The following RCBTB1 variants were observed in gnomAD, a reference collection of about 807,000 sequenced individuals.
The protein encoded by RCBTB1 is RCC1 and BTB domain containing protein 1.
Under a neutral mutation model 62.4 loss-of-function variants are expected in RCBTB1, and 46 were observed. That is an observed-to-expected ratio of 0.74 (90% CI 0.58 to 0.94). The LOEUF (loss-of-function observed/expected upper bound fraction) is 0.94. Ranked by LOEUF, RCBTB1 falls within the 40% of genes least tolerant of loss-of-function variation. RCBTB1 has a pLI of 0.00. For missense variants in RCBTB1, 565 were observed against 654.9 expected, an observed-to-expected ratio of 0.86 and a Z score of 1.50; for synonymous variants, 222 against 245.8, an observed-to-expected ratio of 0.90 and a Z score of 0.91.
chr13:49,564,870 G>A (rs1296508545), intron 4 of RCBTB1, among the ~76,000 whole-genome samples: 2 of 150,438 alleles, frequency 1.3e-5, no homozygotes, highest in African/African-American at 2.5e-5. Context: ...CAGCCTGGGC[G>A]ACAGAGAGAG....
At chr13:49,584,993 T>C (rs1964312459) in intron 1 of RCBTB1, among the ~76,000 whole-genome samples, 1 of 152,100 alleles carries the variant, frequency 6.6e-6, no homozygotes, top group Non-Finnish European at 1.5e-5. Context: ...AGGGAAACGA[T>C]AAAGAATACG....
At position 49,566,677 on chromosome 13, in the gene RCBTB1, C is replaced by A. The variant is rs1963038677; in HGVS notation, c.218G>T (p.Gly73Val). ...GTAACTGAGGCTTTTAATCTTCTTT[C>A]CACATAAGCCTTCTAGCTTTTTGGG... ...LVPKKLEGLC[G>V]KKIKSLSYGS... The change falls in exon 4 of 13, where the codon GGA becomes GTA. Residue 73 changes from glycine (G) to valine (V), a missense_variant. Coordinates refer to ENST00000378302, the MANE Select transcript of RCBTB1 (RefSeq NM_018191.4). The A allele has an allele frequency of 1.2e-6, 2 of 1,614,038 alleles. No homozygotes were observed. The highest frequency in any genetic ancestry group is 1.7e-6 in the Non-Finnish European group (2 of 1,180,010).
At chr13:49,566,052 C>CTAGTAGAGACAGAGT (rs1962970557) in intron 4 of RCBTB1, among the ~76,000 whole-genome samples, 1 of 138,202 alleles carries the variant, frequency 7.2e-6, no homozygotes, top group Non-Finnish European at 1.5e-5. Flanking sequence ...TAAACAGATG[C>CTAGTAGAGACAGAGT]TTGAAGGCAG....
At chr13:49,560,393 T>C (rs1036756637) in intron 4 of RCBTB1, among the ~76,000 whole-genome samples, 1 of 152,208 alleles carries the variant, frequency 6.6e-6, no homozygotes, top group African/African-American at 2.4e-5. Context: ...CAATAGTTTC[T>C]GTGTCAGATG....
chr13:49,546,245 T>A, intron 9 of RCBTB1: 2 of 985,400 alleles, frequency 2.0e-6, no homozygotes, highest in Non-Finnish European at 2.4e-6. Flanking sequence ...GTATAGTACA[T>A]CCTTTCAGAG....
rs1039375923 is a variant in RCBTB1 at position 49,549,511 on chromosome 13, T to G, written c.992A>C (p.Asp331Ala). 1 of 1,613,054 alleles carries G rather than the reference T, an allele frequency of 6.2e-7. No homozygotes were observed. The highest frequency in any genetic ancestry group is 1.7e-5 in the Admixed American group (1 of 59,912). The stretch of plus-strand genomic sequence containing the variant: ...GGGAGTGGCAAAGCAGGCAAACACG[T>G]CGTCGGTGCAGGAGAAGTGGGTGAG... The part of the protein sequence containing the change: ...PHLTHFSCTD[D>A]VFACFATPAV... Residue 331 changes from aspartate to alanine, a missense_variant, in exon 9 of 13, where the codon GAC (aspartate) becomes GCC (alanine). Asp to Ala is a moderately radical substitution (Grantham distance 126). Coordinates refer to ENST00000378302, the MANE Select transcript of RCBTB1 (RefSeq NM_018191.4).
intron 2 of RCBTB1, among the ~76,000 whole-genome samples, chr13:49,568,322 T>C (rs1594330916): frequency 6.6e-6 from 1 of 152,240 alleles, no homozygotes; most frequent in East Asian, 1.9e-4. Flanking sequence ...AATTCCAGTC[T>C]TTTGCTAGAA....
At chr13:49,542,327 T>C (rs1469450061) in intron 10 of RCBTB1, among the ~76,000 whole-genome samples, 1 of 152,180 alleles carries the variant, frequency 6.6e-6, no homozygotes. Context: ...TTTTTGTACA[T>C]GCCTTTTACA....
rs1201395909 is a variant in RCBTB1, at chr13:49,532,388, CAAGT to C, written c.*1730_*1733del. ...TGTGCTTTTTTTGAAAAAAAGTTTTCAAGTAAGAGCAATAGTAAACATACTGAAG... is the reference window on the plus strand; with the variant it reads ...TGTGCTTTTTTTGAAAAAAAGTTTTCAAGAGCAATAGTAAACATACTGAAG... On this transcript the variant is annotated 3_prime_UTR_variant, in exon 13 of 13. Coordinates refer to ENST00000378302, the MANE Select transcript of RCBTB1 (RefSeq NM_018191.4). The C allele has an allele frequency of 2.1e-5, 3 of 143,756 alleles. No homozygotes were observed. Among genetic ancestry groups the C allele is most frequent in the Non-Finnish European group, 4.6e-5 (3 of 64,676 alleles). The allele number at this position is 143,756 out of a possible 1,614,324, so 8.9% of individuals were successfully genotyped here.
In RCBTB1 at chr13:49,576,440, T is replaced by C. The variant is rs953962348; in HGVS notation, c.-42+4065A>G. On this transcript the variant is annotated intron_variant, in intron 2 of 12. Coordinates refer to ENST00000378302, the MANE Select transcript of RCBTB1 (RefSeq NM_018191.4). ...ATTTCTAAAATTAAATATAGAAAGG[T>C]TTCAGTCCTAAAAAATGTGTTTGGA... is the stretch of plus-strand genomic sequence containing the variant. 2.0e-5 allele frequency among the ~76,000 whole-genome samples: 3 copies of C among 152,076 alleles called. No homozygotes were observed. In the East Asian group the frequency reaches 5.8e-4, roughly 29 times the overall value.
At chr13:49,549,699 C>A in intron 8 of RCBTB1, 51 bp from the exon 9 acceptor site, 1 of 1,551,302 alleles carries the variant, frequency 6.4e-7, no homozygotes, top group Non-Finnish European at 8.7e-7. Flanking sequence ...CAGAAGCCCA[C>A]AGCACACCAC....
At chr13:49,535,979 T>C (rs4085853) in intron 12 of RCBTB1, among the ~76,000 whole-genome samples, 88,038 of 149,954 alleles carry the variant, frequency 0.59, 26,991 homozygotes, top group Non-Finnish European at 0.69. Flanking sequence ...GCCGAGATCA[T>C]GCCACTGCAC....
chr13:49,564,052 A>C (rs907744638), intron 4 of RCBTB1, among the ~76,000 whole-genome samples: 1 of 152,226 alleles, frequency 6.6e-6, no homozygotes, highest in Non-Finnish European at 1.5e-5. Context: ...TAAATAGATA[A>C]TGAATTTTCA....
chr13:49,584,700 T>C (rs1419292966), intron 1 of RCBTB1, among the ~76,000 whole-genome samples: 2 of 152,196 alleles, frequency 1.3e-5, no homozygotes, highest in African/African-American at 4.8e-5. Flanking sequence ...AGATCATGAA[T>C]CTGGTTTTCT....
chr13:49,568,979 T>C (rs1188404348), intron 2 of RCBTB1, among the ~76,000 whole-genome samples: 1 of 152,214 alleles, frequency 6.6e-6, no homozygotes, highest in African/African-American at 2.4e-5. Flanking sequence ...ACTAACTTAC[T>C]GGGCACTATG....
At position 49,570,970 on chromosome 13, in the gene RCBTB1, G is replaced by C. The variant is rs74077934; in HGVS notation, c.-41-3650C>G. 2.8e-3 allele frequency among the ~76,000 whole-genome samples: 427 copies of C among 152,272 alleles called. 1 individual carries two copies. The highest frequency in any genetic ancestry group is 9.9e-3 in the African/African-American group (410 of 41,566). ...GCTGAACTTCCTCAACAACTTCAGT[G>C]AACTTCCTAAAGTCACTTCTTTCTG... On this transcript the variant is annotated intron_variant, in intron 2 of 12. Transcript: ENST00000378302.
chr13:49,567,405 C>A, intron 2 of RCBTB1, 85 bp from the exon 3 acceptor site: 1 of 960,874 alleles, frequency 1.0e-6, no homozygotes, highest in South Asian at 1.7e-5. Context: ...TAAATACTAA[C>A]AAAAGCTGAT....
rs1964028959 is a variant in RCBTB1 at position 49,580,332 on chromosome 13, C to T, written c.-42+173G>A. 2.6e-5 allele frequency among the ~76,000 whole-genome samples: 4 copies of T among 152,226 alleles called. No homozygotes were observed. The South Asian group carries it at 6.2e-4, about 24-fold the overall frequency. ...GGGTGAAGTGGCTCACACCTGTAAT[C>T]CCAGCATTTTAGGAGGCGAAGGCAG... On this transcript the variant is annotated intron_variant, in intron 2 of 12. Coordinates refer to ENST00000378302, the MANE Select transcript of RCBTB1 (RefSeq NM_018191.4).
chr13:49,536,311 T>C (rs1349732090), intron 12 of RCBTB1, among the ~76,000 whole-genome samples: 18 of 152,236 alleles, frequency 1.2e-4, no homozygotes, highest in Non-Finnish European at 1.5e-5. Flanking sequence ...TGAACGCATG[T>C]GGTGAGGGAC....
Sources: allele counts gnomAD v4.1 joint callset (sites outside exome capture counted in the v4.1 genomes callset), GRCh38; gene constraint gnomAD v4.1.1; transcripts MANE v1.5; gene names NCBI Gene and HGNC (gene_info 2026-07-23, HGNC 2026-07-21).